The following A2ML1 variants were observed in gnomAD, a reference collection of about 807,000 sequenced individuals.
A2ML1 encodes alpha-2-macroglobulin like 1, also known as alpha-2-macroglobulin-like protein 1.
In A2ML1, 161 loss-of-function variants were observed where a neutral mutation model predicts 181.9. The ratio of observed to expected loss-of-function variants is 0.89; its 90% CI spans 0.78 to 1.01. The LOEUF is 1.01. Ranked by LOEUF, A2ML1 falls within the 50% of genes least tolerant of loss-of-function variation. The pLI, the probability that A2ML1 is intolerant of heterozygous loss-of-function variation, is 0.00. For missense variants in A2ML1, 1,670 were observed against 1,768.1 expected (o/e 0.94, Z 1.00); for synonymous variants, 663 against 666.8 (o/e 0.99, Z 0.09).
chr12:8,838,523 C>A (rs1943362324), intron 9 of A2ML1, 73 bp downstream of exon 9: 3 of 1,137,554 alleles, frequency 2.6e-6, no homozygotes, highest in Admixed American at 4.0e-5. Context: ...AGATTTACTC[C>A]AAGTATACAA....
rs1449298217 is a variant in A2ML1 at position 8,843,136 on chromosome 12, A to G, written c.1251A>G (p.Gly417=). 7 of 1,613,744 alleles carry G rather than the reference A, an allele frequency of 4.3e-6. No homozygotes were observed. Among genetic ancestry groups the G allele is most frequent in the East Asian group, 4.5e-5 (2 of 44,892 alleles). The change falls in exon 12 of 36, where the codon GGA becomes GGG. Residue 417 remains glycine, a splice_region_variant and synonymous_variant. Transcript: ENST00000299698. ...CTCTCTCTCTCTTTTATTCTCAGGG[A>G]AAGTTTCAAATGGAAGACTTAGTAT... The part of the protein sequence containing the change: ...GWNGTDVSLE[G]KFQMEDLVYN...
chr12:8,887,163 C>T (rs910079266), downstream of A2ML1, among the ~76,000 whole-genome samples: 10 of 124,782 alleles, frequency 8.0e-5, no homozygotes, highest in East Asian at 2.2e-4. Context: ...CAAAACAAAA[C>T]GAAACAAAAA....
rs148144095 is a variant in A2ML1, at chr12:8,845,718, C to T, written c.1537+216C>T. ...AAAAAAAATTAGCCGGACGTCGGGG[C>T]GGGCCCCTGTAGTCCCAGCTACTCG... On this transcript the variant is annotated intron_variant, in intron 13 of 35. Coordinates refer to ENST00000299698, the MANE Select transcript of A2ML1 (RefSeq NM_144670.6). Among the ~76,000 whole-genome samples, 41 of 151,876 alleles carry T rather than the reference C, an allele frequency of 2.7e-4. 1 individual carries two copies. The highest frequency in any genetic ancestry group is 8.7e-4 in the African/African-American group (36 of 41,480).
rs375308468 is a variant in A2ML1, at chr12:8,855,596, A to C, written c.2848+4A>C. 1.1e-4 allele frequency: 170 copies of C among 1,614,068 alleles called. No individual in the cohort carries two copies. The highest frequency in any genetic ancestry group is 1.4e-4 in the Non-Finnish European group (163 of 1,179,990). ...AAGGCTTATGTTACGGTTCTGGGTA[A>C]GCAGTTAGAGATTCTTGACTCAGAA... On this transcript the variant is annotated splice_donor_region_variant and intron_variant, in intron 23 of 35. Coordinates refer to ENST00000299698, the MANE Select transcript of A2ML1 (RefSeq NM_144670.6).
Position 8,874,988 on chromosome 12 carries a change from C to A in A2ML1, c.4342C>A (p.Gln1448Lys). ...TTTCACAGATGAACAGGCAACAATT[C>A]AGTATTCTGATCCCTGTGAATGAGG... ...YYLPDEQATI[Q>K]YSDPCE The change falls in exon 35 of 36, where the codon CAG becomes AAG. Residue 1448 changes from glutamine to lysine, a missense_variant. Gln to Lys is a moderately conservative substitution (Grantham distance 53). Coordinates refer to ENST00000299698, the MANE Select transcript of A2ML1 (RefSeq NM_144670.6). The A allele has an allele frequency of 6.2e-7, 1 of 1,614,098 alleles. No homozygotes were observed. The highest frequency in any genetic ancestry group is 8.5e-7 in the Non-Finnish European group (1 of 1,179,982).
intron 4 of A2ML1, among the ~76,000 whole-genome samples, chr12:8,832,308 G>A (rs961942755): frequency 1.3e-5 from 2 of 152,182 alleles, no homozygotes; most frequent in Admixed American, 6.5e-5. Flanking sequence ...CTCCCCAGGA[G>A]CAATTTGAAG....
intron 26 of A2ML1, among the ~76,000 whole-genome samples, chr12:8,860,235 G>A (rs1261119161): frequency 2.0e-5 from 3 of 151,960 alleles, no homozygotes; most frequent in South Asian, 4.2e-4. Context: ...GTAGAGTTGG[G>A]GTTTTACCGT....
At chr12:8,862,415 T>C (rs1944297296) in intron 28 of A2ML1, among the ~76,000 whole-genome samples, 1 of 152,168 alleles carries the variant, frequency 6.6e-6, no homozygotes, top group Non-Finnish European at 1.5e-5. Context: ...TTGGCCAGGC[T>C]GGTCTCAGAA....
downstream of A2ML1, among the ~76,000 whole-genome samples, chr12:8,887,347 G>T (rs766489276): frequency 1.3e-5 from 2 of 152,148 alleles, no homozygotes; most frequent in Non-Finnish European, 2.9e-5. Context: ...GGTCTGTGAA[G>T]CATTAACCAT....
chr12:8,877,811 C>T (rs767529804), downstream of A2ML1, among the ~76,000 whole-genome samples: 32 of 152,304 alleles, frequency 2.1e-4, no homozygotes, highest in Middle Eastern at 0.014. Flanking sequence ...AATTAACATT[C>T]AACCCAGCAA....
At position 8,869,146 on chromosome 12, in the gene A2ML1, A is replaced by AC. The variant is rs1565493995; in HGVS notation, c.4168dup (p.Leu1390ProfsTer6). On this transcript the variant is annotated frameshift_variant, in exon 33 of 36. Transcript: ENST00000299698. LOFTEE classifies it high-confidence loss of function. ...CCTCTCTTATTCAGCTTCTCCAGCA[A>AC]CCCCTGGTGAAGAAGGTTGAATTTG... 6.2e-7 allele frequency: 1 copy of AC among 1,613,990 alleles called. No homozygotes were observed.
In A2ML1 at chr12:8,858,156, C is replaced by A. The variant is rs899930859; in HGVS notation, c.3264+54C>A. On this transcript the variant is annotated intron_variant, in intron 26 of 35. Transcript: ENST00000299698. ...AACCACTGTCTCGAAGGACCCCACA[C>A]CTCTGACCGAGTAGAAGCAAAAGAG... 2.7e-5 allele frequency: 42 copies of A among 1,568,542 alleles called. 1 individual carries two copies. The highest frequency in any genetic ancestry group is 9.6e-5 in the Admixed American group (5 of 52,014).
In A2ML1 at chr12:8,843,146, A is replaced by T. The variant is rs768501124; in HGVS notation, c.1261A>T (p.Met421Leu). ...CTTTTATTCTCAGGGAAAGTTTCAA[A>T]TGGAAGACTTAGTATATAATCCGGA... is the stretch of plus-strand genomic sequence containing the variant. ...TDVSLEGKFQ[M>L]EDLVYNPEQV... The change falls in exon 12 of 36, where the codon ATG becomes TTG. Residue 421 changes from methionine (M) to leucine (L), a missense_variant. Transcript: ENST00000299698. The T allele has an allele frequency of 4.3e-6, 7 of 1,613,984 alleles. No individual in the cohort carries two copies. Among genetic ancestry groups the T allele is most frequent in the Non-Finnish European group, 5.1e-6 (6 of 1,179,988 alleles).
chr12:8,848,575 T>C (rs2136858762), intron 15 of A2ML1, 145 bp from the exon 16 acceptor site: 1 of 622,734 alleles, frequency 1.6e-6, no homozygotes, highest in Non-Finnish European at 2.6e-6. Flanking sequence ...GAAAGGTAAT[T>C]ATGACAGAAT....
intron 8 of A2ML1, 66 bp downstream of exon 8, chr12:8,837,632 A>G: frequency 6.6e-7 from 1 of 1,504,488 alleles, no homozygotes. Context: ...CTGTCATCCC[A>G]GCACTTTGGG....
intron 26 of A2ML1, among the ~76,000 whole-genome samples, chr12:8,859,813 G>T (rs145376530): frequency 3.3e-5 from 5 of 151,922 alleles, no homozygotes; most frequent in Non-Finnish European, 7.4e-5. Context: ...TGATCCACCC[G>T]CCTTGACCTC....
intron 33 of A2ML1, among the ~76,000 whole-genome samples, chr12:8,869,670 A>C (rs1273064353): frequency 6.6e-6 from 1 of 152,140 alleles, no homozygotes; most frequent in Non-Finnish European, 1.5e-5. Context: ...TCAAGTGCTC[A>C]ATAGCCACAA....
At chr12:8,843,875 C>A (rs368619769) in intron 12 of A2ML1, among the ~76,000 whole-genome samples, 1 of 151,924 alleles carries the variant, frequency 6.6e-6, no homozygotes, top group Non-Finnish European at 1.5e-5. Flanking sequence ...CCCGCCACCA[C>A]GCCCAGCTAA....
In A2ML1 at chr12:8,829,716, T is replaced by A; in HGVS notation, c.410-11T>A. On this transcript the variant is annotated splice_polypyrimidine_tract_variant and intron_variant, in intron 3 of 35. Transcript: ENST00000299698. The stretch of plus-strand genomic sequence containing the variant: ...ACATCCCCTTTGCTAATGATGCCTG[T>A]TCCTTTCCAGTGTATTTCCGCATTG... 1 of 1,613,546 alleles carries A rather than the reference T, an allele frequency of 6.2e-7. No individual in the cohort carries two copies. Among genetic ancestry groups the A allele is most frequent in the South Asian group, 1.1e-5 (1 of 91,052 alleles).
Sources: gnomAD v4.1 joint callset for allele counts (sites outside exome capture counted in the v4.1 genomes callset) on GRCh38, gnomAD v4.1.1 for gene constraint, MANE v1.5 for transcripts, NCBI Gene and HGNC (gene_info 2026-07-23, HGNC 2026-07-21) for gene names.